Variants in TRIP12 observed in about 807,000 individuals in gnomAD.
TRIP12 encodes thyroid hormone receptor interactor 12, also known as E3 ubiquitin-protein ligase TRIP12.
TRIP12 carries 25 observed loss-of-function variants against 244.2 expected under a neutral mutation model. The ratio of observed to expected loss-of-function variants is 0.10; its 90% CI spans 0.07 to 0.14. The LOEUF (loss-of-function observed/expected upper bound fraction) is 0.14. TRIP12 is among the 10% of genes least tolerant of loss of function. The pLI is 1.00. For synonymous variants in TRIP12, 905 were observed against 873.1 expected (o/e 1.04, Z -0.64); for missense variants, 1,677 against 2,486.4 (o/e 0.67, Z 6.92).
chr2:229,821,125 G>T (rs1177145858), intron 8 of TRIP12, among the ~76,000 whole-genome samples: 1 of 152,038 alleles, frequency 6.6e-6, no homozygotes, highest in Non-Finnish European at 1.5e-5. Flanking sequence ...TTCAGTAAGG[G>T]CATCTTAGAT....
At chr2:229,818,077 T>C (rs146665289) in intron 9 of TRIP12, among the ~76,000 whole-genome samples, 7 of 152,248 alleles carry the variant, frequency 4.6e-5, no homozygotes, top group Admixed American at 2.6e-4. Flanking sequence ...GCATTTTACA[T>C]GGCAGGAGTC....
At chr2:229,803,968 TA>T in intron 19 of TRIP12, 30 bp downstream of exon 19, 1 of 1,551,406 alleles carries the variant, frequency 6.4e-7, no homozygotes, top group Non-Finnish European at 8.8e-7. Flanking sequence ...TTTGTATTTG[TA>T]AAATGTTTCT....
At chr2:229,918,744 A>G (rs1029685522) in intron 1 of TRIP12, among the ~76,000 whole-genome samples, 2 of 152,234 alleles carry the variant, frequency 1.3e-5, no homozygotes, top group African/African-American at 2.4e-5. Context: ...TGTACCTTCA[A>G]CCTAGTTTAC....
rs1295399363 is a variant in TRIP12 at position 229,797,443 on chromosome 2, C to G, written c.3624+247G>C. On this transcript the variant is annotated intron_variant, in intron 24 of 41. Transcript: ENST00000675903. ...ACATTTCTGAAGTTTCTTCATTTGT[C>G]AAGAATGATGAGATGTGAAGGAAAG... is the stretch of plus-strand genomic sequence containing the variant. Among the ~76,000 whole-genome samples the G allele has an allele frequency of 2.0e-5, 3 of 151,994 alleles. No homozygotes were observed. In the South Asian group the frequency reaches 6.2e-4, roughly 32 times the overall value.
intron 1 of TRIP12, among the ~76,000 whole-genome samples, chr2:229,889,407 G>A (rs1006170111): frequency 3.9e-5 from 6 of 152,144 alleles, no homozygotes; most frequent in African/African-American, 1.4e-4. Context: ...TAGCTCAGAT[G>A]GCTTGTATAA....
intron 6 of TRIP12, 65 bp downstream of exon 6, chr2:229,836,783 T>C: frequency 6.6e-7 from 1 of 1,526,106 alleles, no homozygotes; most frequent in Non-Finnish European, 8.8e-7. Context: ...CATACTTCCC[T>C]CCCTCTGCCC....
intron 26 of TRIP12, among the ~76,000 whole-genome samples, chr2:229,794,567 A>T (rs1251169647): frequency 2.8e-5 from 1 of 36,050 alleles, no homozygotes; most frequent in African/African-American, 2.1e-4. Context: ...CTCTGTCCCA[A>T]AATAAATAAA....
intron 1 of TRIP12, among the ~76,000 whole-genome samples, chr2:229,906,757 T>A (rs989244328): frequency 1.3e-5 from 2 of 151,704 alleles, no homozygotes; most frequent in Admixed American, 6.6e-5. Context: ...ATAAGAAATT[T>A]ATCCTCTAGC....
chr2:229,792,457 A>C (rs1394487261), intron 27 of TRIP12, among the ~76,000 whole-genome samples: 2 of 152,194 alleles, frequency 1.3e-5, no homozygotes, highest in East Asian at 3.8e-4. Context: ...CTAAATATGC[A>C]ATTCATTTAT....
intron 37 of TRIP12, among the ~76,000 whole-genome samples, chr2:229,776,017 T>C (rs1163276250): frequency 6.6e-6 from 1 of 152,088 alleles, no homozygotes; most frequent in African/African-American, 2.4e-5. Flanking sequence ...CATACTGCAT[T>C]TGAGACAAGC....
rs1021728322 is a variant in TRIP12 at position 229,823,932 on chromosome 2, A to G, written c.1450+5261T>C. Reference sequence around the variant, plus strand: ...AAAAAAAAAAGTTCTTTAGGCTAGAAGGAAACAATCCTTTAAAGAAAAAAG... The same window carrying G: ...AAAAAAAAAAGTTCTTTAGGCTAGAGGGAAACAATCCTTTAAAGAAAAAAG... On this transcript the variant is annotated intron_variant, in intron 8 of 41. Coordinates refer to ENST00000675903, the MANE Select transcript of TRIP12 (RefSeq NM_001348323.3). Among the ~76,000 whole-genome samples, 24 of 152,292 alleles carry G rather than the reference A, an allele frequency of 1.6e-4. 1 individual carries two copies. The highest frequency in any genetic ancestry group is 5.5e-4 in the African/African-American group (23 of 41,592).
intron 8 of TRIP12, among the ~76,000 whole-genome samples, chr2:229,823,899 A>T (rs536425741): frequency 1.6e-4 from 25 of 152,016 alleles, no homozygotes; most frequent in Non-Finnish European, 3.7e-4. Context: ...ATAGTCTGAC[A>T]CTATGTTAAA....
intron 1 of TRIP12, among the ~76,000 whole-genome samples, chr2:229,920,666 A>T (rs1351987511): frequency 6.6e-6 from 1 of 152,208 alleles, no homozygotes; most frequent in Non-Finnish European, 1.5e-5. Flanking sequence ...TCACCACGTA[A>T]GGTAACCAAT....
Position 229,788,778 on chromosome 2 carries a change from T to C in TRIP12, c.4838+20A>G, listed in dbSNP as rs1180038298. On this transcript the variant is annotated intron_variant, in intron 32 of 41. Transcript: ENST00000675903. The stretch of plus-strand genomic sequence containing the variant: ...CCAGTAACATTTCCAAGGCCACCAT[T>C]ACAGAAGTGATTGTCTTACCAGGTT... 1 of 1,610,162 alleles carries C rather than the reference T, an allele frequency of 6.2e-7. No individual in the cohort carries two copies. Among genetic ancestry groups the C allele is most frequent in the Non-Finnish European group, 8.5e-7 (1 of 1,178,946 alleles).
At chr2:229,787,973 T>C (rs932008089) in intron 32 of TRIP12, among the ~76,000 whole-genome samples, 1 of 152,094 alleles carries the variant, frequency 6.6e-6, no homozygotes, top group Non-Finnish European at 1.5e-5. Context: ...TGGCTAATTT[T>C]TGTATTTTTA....
chr2:229,830,230 A>G (rs1287633965), intron 7 of TRIP12, among the ~76,000 whole-genome samples: 1 of 152,174 alleles, frequency 6.6e-6, no homozygotes, highest in South Asian at 2.1e-4. Context: ...CAAGAAGACA[A>G]AAAACCATGG....
rs2045232492 is a variant in TRIP12, at chr2:229,804,224, C to T, written c.2654G>A (p.Gly885Glu). The change falls in exon 19 of 42, where the codon GGA (glycine) becomes GAA (glutamate). Residue 885 changes from glycine (G) to glutamate (E), a missense_variant. Physicochemically the swap from Gly to Glu is moderately conservative, Grantham distance 98 (BLOSUM62 -2). Transcript: ENST00000675903. The stretch of plus-strand genomic sequence containing the variant: ...ATCATCCTTCTTTGACTCTGAATAT[C>T]CACCTATTACATTAAAAAAAAATAT... Reference protein sequence around the residue: ...PNPLANSNTSGYSESKKDDAR... With the variant: ...PNPLANSNTSEYSESKKDDAR... 6.2e-7 allele frequency: 1 copy of T among 1,605,966 alleles called. No homozygotes were observed. The highest frequency in any genetic ancestry group is 8.5e-7 in the Non-Finnish European group (1 of 1,177,616).
At chr2:229,779,728 A>G (rs2037473452) in intron 34 of TRIP12, among the ~76,000 whole-genome samples, 1 of 152,192 alleles carries the variant, frequency 6.6e-6, no homozygotes, top group Non-Finnish European at 1.5e-5. Context: ...CACGTCCTGA[A>G]GATTCTGATC....
At chr2:229,882,232 T>C (rs749276791) in intron 1 of TRIP12, among the ~76,000 whole-genome samples, 1 of 152,188 alleles carries the variant, frequency 6.6e-6, no homozygotes, top group African/African-American at 2.4e-5. Context: ...AGTATTATTA[T>C]TACTATAAAC....
Sources: allele counts gnomAD v4.1 joint callset (sites outside exome capture counted in the v4.1 genomes callset), GRCh38; gene constraint gnomAD v4.1.1; transcripts MANE v1.5; gene names NCBI Gene and HGNC (gene_info 2026-07-23, HGNC 2026-07-21).